NAV2: variants seen among roughly 807,000 people sequenced by gnomAD.
The protein encoded by NAV2 is neuron navigator 2.
In NAV2, 54 loss-of-function variants were observed where a neutral mutation model predicts 223.2. The ratio of observed to expected loss-of-function variants is 0.24; its 90% confidence interval spans 0.19 to 0.30. The LOEUF is 0.30. Ranked by LOEUF, NAV2 falls within the 10% of genes least tolerant of loss-of-function variation. The pLI, the probability that NAV2 is intolerant of heterozygous loss-of-function variation, is 1.00. For missense variants in NAV2, 2,806 were observed against 3,147.5 expected (o/e 0.89, Z 2.60); for synonymous variants, 1,279 against 1,239.3 (o/e 1.03, Z -0.67).
chr11:19,437,589 C>A (rs575586113), intron 1 of NAV2, among the ~76,000 whole-genome samples: 6 of 152,048 alleles, frequency 3.9e-5, no homozygotes, highest in South Asian at 2.1e-4. Flanking sequence ...CTTCTTTAGG[C>A]AGTTAAAGCT....
intron 1 of NAV2, among the ~76,000 whole-genome samples, chr11:19,765,838 C>G (rs1455108348): frequency 2.0e-5 from 3 of 152,136 alleles, no homozygotes; most frequent in Non-Finnish European, 2.9e-5. Flanking sequence ...CTTGGAGAAG[C>G]CTCTCTGAGC....
chr11:19,845,119 G>A (rs542783910), intron 3 of NAV2, among the ~76,000 whole-genome samples: 1 of 152,112 alleles, frequency 6.6e-6, no homozygotes, highest in East Asian at 1.9e-4. Context: ...AAGTTCTTTC[G>A]ATAGACAGGC....
chr11:20,051,844 T>C (rs1009635356), intron 17 of NAV2, among the ~76,000 whole-genome samples: 5 of 152,156 alleles, frequency 3.3e-5, no homozygotes, highest in African/African-American at 1.2e-4. Flanking sequence ...TAATGGAAAA[T>C]TGGTCCACTT....
chr11:20,053,309 G>A (rs1323703374), intron 17 of NAV2, among the ~76,000 whole-genome samples: 1 of 151,242 alleles, frequency 6.6e-6, no homozygotes, highest in Non-Finnish European at 1.5e-5. Flanking sequence ...AATCAAACAT[G>A]GATTGAAATC....
At chr11:19,974,254 A>G (rs1468334639) in intron 10 of NAV2, among the ~76,000 whole-genome samples, 2 of 152,152 alleles carry the variant, frequency 1.3e-5, no homozygotes, top group Admixed American at 6.5e-5. Context: ...CCTGCAAGAG[A>G]ATTACTTGCA....
At chr11:19,354,161 C>T (rs2133727739) in intron 1 of NAV2, among the ~76,000 whole-genome samples, 1 of 152,314 alleles carries the variant, frequency 6.6e-6, no homozygotes, top group Non-Finnish European at 1.5e-5. Context: ...TTATGAAGTG[C>T]CTCCTTGTGC....
chr11:20,043,869 A>C, intron 12 of NAV2, 112 bp from the exon 13 acceptor site: 1 of 907,030 alleles, frequency 1.1e-6, no homozygotes, highest in East Asian at 2.4e-5. Context: ...CTTTAAAGTA[A>C]TGCTTATTTT....
chr11:19,924,217 C>G (rs1039305453), intron 6 of NAV2, among the ~76,000 whole-genome samples: 3 of 150,400 alleles, frequency 2.0e-5, no homozygotes, highest in African/African-American at 4.9e-5. Flanking sequence ...TATAACATTA[C>G]GTGGGATTTA....
intron 28 of NAV2, 113 bp downstream of exon 28, chr11:20,092,481 C>T (rs939727293): frequency 4.1e-5 from 45 of 1,097,188 alleles, no homozygotes; most frequent in East Asian, 2.2e-4. Flanking sequence ...AGGCAACAGG[C>T]GTGTGTGCAC....
chr11:19,753,540 G>A (rs538489318), intron 1 of NAV2, among the ~76,000 whole-genome samples: 1 of 152,162 alleles, frequency 6.6e-6, no homozygotes, highest in Non-Finnish European at 1.5e-5. Context: ...TCTTCTCTGG[G>A]TTGCAGTAAC....
intron 1 of NAV2, chr11:19,505,271 C>G (rs1590354277): frequency 6.6e-6 from 1 of 152,196 alleles, no homozygotes; most frequent in African/African-American, 2.4e-5. Context: ...CTCTGTAGCT[C>G]CTGCCTCTGT....
rs377296966 is a variant in NAV2 at position 19,925,805 on chromosome 11, T to A, written c.932-7371T>A. Among the ~76,000 whole-genome samples, 171 of 152,288 alleles carry A rather than the reference T, an allele frequency of 1.1e-3. 5 individuals carry two copies. In the South Asian group the frequency reaches 0.034, roughly 30 times the overall value. The stretch of plus-strand genomic sequence containing the variant: ...TTTCTTTTCCATGAGAATATCCAGT[T>A]TTTCCACCACCATTTATTGAAAAGA... On this transcript the variant is annotated intron_variant, in intron 6 of 37. Coordinates refer to ENST00000349880, the MANE Select transcript of NAV2 (RefSeq NM_145117.5).
At chr11:19,777,399 C>T (rs1245825162) in intron 1 of NAV2, 7 of 433,812 alleles carry the variant, frequency 1.6e-5, no homozygotes, top group African/African-American at 1.1e-4. Flanking sequence ...CGGGCAGGTG[C>T]TTCGGCTTTT....
chr11:19,912,771 TGCTC>T (rs2043425892), intron 6 of NAV2, among the ~76,000 whole-genome samples: 1 of 152,238 alleles, frequency 6.6e-6, no homozygotes, highest in African/African-American at 2.4e-5. Context: ...GTATACATCT[TGCTC>T]AACCAGTGTG....
intron 1 of NAV2, among the ~76,000 whole-genome samples, chr11:19,577,363 C>T (rs1057004098): frequency 1.1e-4 from 17 of 152,226 alleles, no homozygotes; most frequent in African/African-American, 3.9e-4. Flanking sequence ...TTGGCTCGTG[C>T]CCCTTCACTT....
intron 10 of NAV2, among the ~76,000 whole-genome samples, chr11:19,956,357 G>A (rs1025041971): frequency 9.7e-5 from 14 of 144,712 alleles, no homozygotes; most frequent in East Asian, 6.0e-4. Context: ...CCACACCCCC[G>A]ACACACATAC....
intron 5 of NAV2, chr11:19,884,479 C>A: frequency 2.5e-6 from 2 of 811,786 alleles, no homozygotes; most frequent in Non-Finnish European, 4.1e-6. Context: ...GTTTGCAGTT[C>A]GAGAAAACTA....
intron 1 of NAV2, among the ~76,000 whole-genome samples, chr11:19,667,492 G>A (rs1191208361): frequency 6.6e-6 from 1 of 152,124 alleles, no homozygotes; most frequent in African/African-American, 2.4e-5. Context: ...GAGTGAAGAG[G>A]AGGAGACAAT....
chr11:19,735,861 C>A (rs1386766435), intron 1 of NAV2, among the ~76,000 whole-genome samples: 2 of 151,970 alleles, frequency 1.3e-5, no homozygotes, highest in Non-Finnish European at 2.9e-5. Context: ...ATGGGAAGAA[C>A]AAATGGAGGT....
Sources: allele counts gnomAD v4.1 joint callset (sites outside exome capture counted in the v4.1 genomes callset), GRCh38; gene constraint gnomAD v4.1.1; transcripts MANE v1.5; gene names NCBI Gene and HGNC (gene_info 2026-07-23, HGNC 2026-07-21).